The following MCCC1 variants were observed in gnomAD, a reference collection of about 807,000 sequenced individuals.
MCCC1 encodes the protein methylcrotonoyl-CoA carboxylase subunit alpha, mitochondrial.
In MCCC1, 64 loss-of-function variants were observed where a neutral mutation model predicts 83.8. The ratio of observed to expected loss-of-function variants is 0.76; its 90% CI spans 0.62 to 0.94. The LOEUF is 0.94. MCCC1 is among the 40% of genes least tolerant of loss of function. The pLI is 0.00. For missense variants in MCCC1, 807 were observed against 904.7 expected (o/e 0.89, Z 1.39); for synonymous variants, 322 against 315.4 (o/e 1.02, Z -0.22).
intron 1 of MCCC1, among the ~76,000 whole-genome samples, chr3:183,110,264 C>T (rs1389157201): frequency 5.3e-5 from 8 of 152,016 alleles, no homozygotes; most frequent in East Asian, 3.9e-4. Flanking sequence ...TCCTACCTGT[C>T]GATGTTTGGT....
In MCCC1 at chr3:183,087,563, CAG is replaced by C. The variant is rs1295809550; in HGVS notation, c.274-777_274-776del. 2.0e-5 allele frequency among the ~76,000 whole-genome samples: 3 copies of C among 152,194 alleles called. No homozygotes were observed. In the East Asian group the frequency reaches 5.8e-4, roughly 29 times the overall value. ...ATCAGGAAATGCCTAGAAGGGAAGT[CAG>C]GGGAGGCTCCTCAAGGATGATCAAG... On this transcript the variant is annotated intron_variant, in intron 3 of 18. Transcript: ENST00000265594.
At chr3:183,066,131 G>C (rs543029764) in intron 7 of MCCC1, among the ~76,000 whole-genome samples, 2 of 152,200 alleles carry the variant, frequency 1.3e-5, no homozygotes, top group African/African-American at 4.8e-5. Flanking sequence ...CTATAATTCT[G>C]ATATGACTTA....
In MCCC1 at chr3:183,078,522, A is replaced by G. The variant is rs561630333; in HGVS notation, c.370-6035T>C. On this transcript the variant is annotated intron_variant, in intron 4 of 18. Transcript: ENST00000265594. Reference sequence around the variant, plus strand: ...TAATAATATTGAGTGTTCTGATGAAATATCTGTTTATTTAGAACTTCTTTA... The same window carrying G: ...TAATAATATTGAGTGTTCTGATGAAGTATCTGTTTATTTAGAACTTCTTTA... Among the ~76,000 whole-genome samples the G allele has an allele frequency of 2.0e-5, 3 of 152,152 alleles. No homozygotes were observed. The South Asian group carries it at 6.2e-4, about 32-fold the overall frequency.
intron 8 of MCCC1, among the ~76,000 whole-genome samples, chr3:183,054,890 G>A (rs1715291962): frequency 6.6e-6 from 1 of 152,138 alleles, no homozygotes; most frequent in Non-Finnish European, 1.5e-5. Context: ...CTACAGTATT[G>A]AGTACAGTAA....
At chr3:183,103,944 G>C (rs1719364527), upstream of MCCC1, among the ~76,000 whole-genome samples, 1 of 152,188 alleles carries the variant, frequency 6.6e-6, no homozygotes, top group Non-Finnish European at 1.5e-5. Flanking sequence ...CGGTGGGCCG[G>C]CACTGCTGGG....
At chr3:183,086,873 A>G in intron 3 of MCCC1, 85 bp from the exon 4 acceptor site, 1 of 1,225,092 alleles carries the variant, frequency 8.2e-7, no homozygotes, top group Non-Finnish European at 1.2e-6. Flanking sequence ...GGGTCATTTT[A>G]TTATTGTAAA....
chr3:183,086,861 C>T, intron 3 of MCCC1, 73 bp from the exon 4 acceptor site: 1 of 1,332,336 alleles, frequency 7.5e-7, no homozygotes, highest in Non-Finnish European at 1.1e-6. Context: ...AGAACTGCTT[C>T]AGGGTCATTT....
intron 13 of MCCC1, among the ~76,000 whole-genome samples, chr3:183,036,233 G>A (rs1713576871): frequency 6.6e-6 from 1 of 152,118 alleles, no homozygotes; most frequent in Admixed American, 6.5e-5. Context: ...ATGTGTGGTA[G>A]CCAGGATGAA....
chr3:183,029,513 T>C (rs189245153), intron 14 of MCCC1, among the ~76,000 whole-genome samples: 3 of 152,330 alleles, frequency 2.0e-5, no homozygotes, highest in Admixed American at 1.3e-4. Flanking sequence ...GCAACATCCA[T>C]GCCTCGTACT....
At chr3:183,015,643 A>G in intron 18 of MCCC1, 77 bp from the exon 19 acceptor site, 1 of 1,579,122 alleles carries the variant, frequency 6.3e-7, no homozygotes, top group African/African-American at 1.3e-5. Flanking sequence ...CAAGAAAGGG[A>G]GACCAAAAAT....
chr3:183,106,520 A>T (rs1040271307), intron 1 of MCCC1, among the ~76,000 whole-genome samples: 3 of 127,946 alleles, frequency 2.3e-5, no homozygotes, highest in African/African-American at 1.0e-4. Flanking sequence ...CTTTTTTGAA[A>T]CAGAGTCTCG....
At chr3:183,108,612 T>C (rs1258666319) in intron 1 of MCCC1, among the ~76,000 whole-genome samples, 1 of 152,218 alleles carries the variant, frequency 6.6e-6, no homozygotes, top group Admixed American at 6.5e-5. Flanking sequence ...TAACAAGAAG[T>C]AATGTTTAAA....
chr3:183,019,292 T>C lies in MCCC1; in HGVS notation c.1977+838A>G, dbSNP rs1711944181. Among the ~76,000 whole-genome samples, 3 of 152,238 alleles carry C rather than the reference T, an allele frequency of 2.0e-5. No individual in the cohort carries two copies. The South Asian group carries it at 6.2e-4, about 31-fold the overall frequency. On this transcript the variant is annotated intron_variant, in intron 17 of 18. Coordinates refer to ENST00000265594, the MANE Select transcript of MCCC1 (RefSeq NM_020166.5). ...ATCACCATTTGATGTTATATCAGTATGTGCTAGGGTCTAAATGTCTATATC... is the reference window on the plus strand; with the variant it reads ...ATCACCATTTGATGTTATATCAGTACGTGCTAGGGTCTAAATGTCTATATC...
intron 14 of MCCC1, among the ~76,000 whole-genome samples, chr3:183,028,503 C>T (rs1349226150): frequency 6.6e-6 from 1 of 152,170 alleles, no homozygotes; most frequent in Non-Finnish European, 1.5e-5. Flanking sequence ...TGTGAGTCTT[C>T]TGATGGATCT....
intron 3 of MCCC1, among the ~76,000 whole-genome samples, chr3:183,088,048 A>G (rs143167636): frequency 6.6e-6 from 1 of 152,180 alleles, no homozygotes; most frequent in Admixed American, 6.5e-5. Flanking sequence ...TGTGGCTGGA[A>G]CACAATGAGC....
In MCCC1 at chr3:183,054,928, G is replaced by A. The variant is rs565752543; in HGVS notation, c.873+2383C>T. 3.3e-5 allele frequency among the ~76,000 whole-genome samples: 5 copies of A among 152,276 alleles called. No individual in the cohort carries two copies. In the East Asian group the frequency reaches 9.6e-4, roughly 29 times the overall value. The stretch of plus-strand genomic sequence containing the variant: ...TGCTGTATATAGGTTTGTAGCCTAG[G>A]AGCAATGGGCTCTACCAGCAGCCTA... On this transcript the variant is annotated intron_variant, in intron 8 of 18. Transcript: ENST00000265594.
intron 7 of MCCC1, among the ~76,000 whole-genome samples, chr3:183,068,273 C>A (rs925416456): frequency 3.9e-5 from 6 of 152,204 alleles, no homozygotes; most frequent in Non-Finnish European, 8.8e-5. Flanking sequence ...GCAAAAGATA[C>A]AGGTCATACG....
chr3:183,113,182 C>T (rs975553029), intron 1 of MCCC1, among the ~76,000 whole-genome samples: 1 of 149,928 alleles, frequency 6.7e-6, no homozygotes, highest in Non-Finnish European at 1.5e-5. Flanking sequence ...CGAGATGGCT[C>T]CACTGCACTC....
rs551706784 is a variant in MCCC1, at chr3:183,099,169, C to G, written c.89+183G>C. 2.4e-5 allele frequency: 16 copies of G among 663,030 alleles called. No homozygotes were observed. The South Asian group carries it at 2.8e-4, about 12-fold the overall frequency. The allele number at this position is 663,030 out of a possible 1,614,324, so 41.1% of individuals were successfully genotyped here. A position where few individuals can be genotyped will look rare whatever the true frequency, so the allele number is the denominator to read the frequency against. On this transcript the variant is annotated intron_variant, in intron 1 of 18. Coordinates refer to ENST00000265594, the MANE Select transcript of MCCC1 (RefSeq NM_020166.5). ...GCGGAAGCGGGGAGAAAGGGAAGGG[C>G]TGGTGGGGATGTCTTCCTCCCGACG... is the stretch of plus-strand genomic sequence containing the variant.
Sources: allele counts gnomAD v4.1 joint callset (sites outside exome capture counted in the v4.1 genomes callset), GRCh38; gene constraint gnomAD v4.1.1; transcripts MANE v1.5; gene names NCBI Gene and HGNC (gene_info 2026-07-23, HGNC 2026-07-21).